The following ZNF438 variants were observed in gnomAD, a reference collection of about 807,000 sequenced individuals.
ZNF438 encodes zinc finger protein 438.
A neutral mutation model predicts 38.0 loss-of-function variants in ZNF438; 25 were observed. The ratio of observed to expected loss-of-function variants is 0.66; its 90% CI spans 0.48 to 0.92. The LOEUF is 0.92. Among genes scored for constraint, ZNF438 ranks in the 40% least tolerant of loss-of-function variants. The pLI, the probability that ZNF438 is intolerant of heterozygous loss-of-function variation, is 0.00. For synonymous variants in ZNF438, 372 were observed against 364.1 expected, an observed-to-expected ratio of 1.02 and a Z score of -0.25; for missense variants, 1,007 against 999.6, an observed-to-expected ratio of 1.01 and a Z score of -0.10.
chr10:30,976,892 G>C (rs572335989), intron 1 of ZNF438, among the ~76,000 whole-genome samples: 13 of 152,194 alleles, frequency 8.5e-5, no homozygotes, highest in African/African-American at 3.1e-4. Flanking sequence ...AGAAATCAGT[G>C]ATTTACAACT....
At position 30,901,066 on chromosome 10, in the gene ZNF438, A is replaced by T. The variant is rs148189354; in HGVS notation, c.-32+7867T>A. Among the ~76,000 whole-genome samples the T allele has an allele frequency of 3.7e-3, 562 of 152,290 alleles. 4 individuals carry two copies. Among genetic ancestry groups the T allele is most frequent in the African/African-American group, 0.012 (510 of 41,564 alleles). On this transcript the variant is annotated intron_variant, in intron 3 of 5. Transcript: ENST00000413025. Reference sequence around the variant, plus strand: ...TAGCTTTGCTGTTTGGTATTTGCAGATTTATAGTATTTGCCCATTACTGAT... The same window carrying T: ...TAGCTTTGCTGTTTGGTATTTGCAGTTTTATAGTATTTGCCCATTACTGAT...
chr10:31,003,748 C>T (rs771624423), intron 1 of ZNF438, among the ~76,000 whole-genome samples: 5 of 152,154 alleles, frequency 3.3e-5, no homozygotes, highest in African/African-American at 7.2e-5. Context: ...TCTTCCAAGT[C>T]ATAGTCTATG....
intron 1 of ZNF438, among the ~76,000 whole-genome samples, chr10:30,984,096 C>A (rs2052511014): frequency 6.6e-6 from 1 of 152,140 alleles, no homozygotes; most frequent in Admixed American, 6.5e-5. Flanking sequence ...AATTTTGCTA[C>A]ATGCCATACT....
chr10:31,001,974 C>A (rs1225775162), intron 1 of ZNF438, among the ~76,000 whole-genome samples: 3 of 152,128 alleles, frequency 2.0e-5, no homozygotes, highest in Non-Finnish European at 2.9e-5. Flanking sequence ...CCCCCAGGAT[C>A]TGAATGCTGC....
chr10:31,017,905 C>G (rs1003934700), intron 1 of ZNF438, among the ~76,000 whole-genome samples: 4 of 152,270 alleles, frequency 2.6e-5, no homozygotes, highest in African/African-American at 9.6e-5. Context: ...ATGTCCCAAA[C>G]AGGCTTATTC....
At chr10:31,019,369 C>T (rs2056430294) in intron 1 of ZNF438, among the ~76,000 whole-genome samples, 1 of 152,096 alleles carries the variant, frequency 6.6e-6, no homozygotes, top group Non-Finnish European at 1.5e-5. Flanking sequence ...AACTATAATG[C>T]TAATGAAAGA....
chr10:30,948,057 C>T (rs1000530965), intron 1 of ZNF438, among the ~76,000 whole-genome samples: 6 of 152,242 alleles, frequency 3.9e-5, no homozygotes, highest in Non-Finnish European at 5.9e-5. Flanking sequence ...GATCTCAGTA[C>T]GGGCAGACTG....
intron 1 of ZNF438, among the ~76,000 whole-genome samples, chr10:30,970,189 G>A (rs1353285770): frequency 1.3e-5 from 2 of 150,752 alleles, no homozygotes; most frequent in African/African-American, 4.9e-5. Context: ...TTTGTTAAAT[G>A]TTAAAAGAGG....
At chr10:30,845,047 A>T (rs1426927159) in exon 6 of ZNF438, 1 of 1,614,192 alleles carries the variant, frequency 6.2e-7, no homozygotes. Flanking sequence ...GGGTCCTCAC[A>T]GTTATGCTGG....
chr10:30,933,388 T>C (rs1282854533), intron 2 of ZNF438, among the ~76,000 whole-genome samples: 2 of 152,202 alleles, frequency 1.3e-5, no homozygotes, highest in Non-Finnish European at 2.9e-5. Context: ...GATTTGTGCA[T>C]TAAATTATTT....
At chr10:30,896,209 C>T (rs771412128) in intron 3 of ZNF438, among the ~76,000 whole-genome samples, 20 of 149,910 alleles carry the variant, frequency 1.3e-4, no homozygotes, top group Admixed American at 2.7e-4. Context: ...GGCAGGAGAA[C>T]GGCATGAACC....
chr10:30,865,274 T>G (rs1266345530), intron 4 of ZNF438, among the ~76,000 whole-genome samples: 2 of 152,226 alleles, frequency 1.3e-5, no homozygotes, highest in African/African-American at 4.8e-5. Context: ...GTTAATGAAC[T>G]CACACATAGC....
At chr10:30,859,268 A>T (rs540027257) in intron 4 of ZNF438, among the ~76,000 whole-genome samples, 1 of 151,926 alleles carries the variant, frequency 6.6e-6, no homozygotes, top group Non-Finnish European at 1.5e-5. Flanking sequence ...TTTTTTATAT[A>T]TTGTTTTGCC....
intron 1 of ZNF438, among the ~76,000 whole-genome samples, chr10:30,990,883 A>G (rs1035367486): frequency 6.6e-6 from 1 of 152,102 alleles, no homozygotes; most frequent in African/African-American, 2.4e-5. Context: ...TAATGAGCAA[A>G]ACCAAGAGAC....
intron 1 of ZNF438, among the ~76,000 whole-genome samples, chr10:30,974,252 G>A (rs1419985434): frequency 3.3e-5 from 5 of 152,228 alleles, no homozygotes; most frequent in African/African-American, 9.6e-5. Context: ...GGCCAAGGCA[G>A]GAGGATTGCT....
intron 2 of ZNF438, among the ~76,000 whole-genome samples, chr10:30,936,854 G>A (rs1214565154): frequency 5.3e-5 from 8 of 152,056 alleles, no homozygotes; most frequent in South Asian, 2.1e-4. Flanking sequence ...GGCAGGTCAC[G>A]TCAAACCTTT....
intron 1 of ZNF438, among the ~76,000 whole-genome samples, chr10:30,983,435 G>C (rs971033523): frequency 7.2e-5 from 11 of 152,220 alleles, no homozygotes; most frequent in African/African-American, 2.6e-4. Context: ...AGTGTGAAGG[G>C]GGAGGTGTTA....
chr10:30,861,789 A>C (rs905410459), intron 4 of ZNF438, among the ~76,000 whole-genome samples: 2 of 152,192 alleles, frequency 1.3e-5, no homozygotes, highest in African/African-American at 4.8e-5. Flanking sequence ...TAGAAAGATA[A>C]AGTTGTTTAT....
chr10:30,927,375 C>CAT lies in ZNF438; in HGVS notation c.-115+14198_-115+14199dup, dbSNP rs558555584. 2.6e-4 allele frequency among the ~76,000 whole-genome samples: 39 copies of CAT among 152,302 alleles called. No individual in the cohort carries two copies. The East Asian group carries it at 4.6e-3, about 18-fold the overall frequency. On this transcript the variant is annotated intron_variant, in intron 2 of 5. Coordinates refer to ENST00000413025, the Ensembl canonical transcript of ZNF438. ...CAAAGGGCATGTTCCCCAATGTCCA[C>CAT]ATATATATGACCTTGGAGGAAAATG...
Sources: gnomAD v4.1 joint callset for allele counts (sites outside exome capture counted in the v4.1 genomes callset) on GRCh38, gnomAD v4.1.1 for gene constraint, MANE v1.5 for transcripts, NCBI Gene and HGNC (gene_info 2026-07-23, HGNC 2026-07-21) for gene names.